Variants in AHI1 observed in about 807,000 individuals in gnomAD.
AHI1 encodes Abelson helper integration site 1.
In AHI1, 123 loss-of-function variants were observed where a neutral mutation model predicts 149.3. The observed-to-expected ratio is 0.82, with a 90% CI of 0.71 to 0.96. The LOEUF (loss-of-function observed/expected upper bound fraction) is 0.96. Among genes scored for constraint, AHI1 ranks in the 40% least tolerant of loss-of-function variants. AHI1 has a pLI of 0.00. For synonymous variants in AHI1, 475 were observed against 459.8 expected, an observed-to-expected ratio of 1.03 and a Z score of -0.42; for missense variants, 1,439 against 1,422.7, an observed-to-expected ratio of 1.01 and a Z score of -0.18.
Position 135,442,640 on chromosome 6 carries a change from G to A in AHI1, c.1854C>T (p.Ser618=), listed in dbSNP as rs1301980408. The A allele has an allele frequency of 6.2e-7, 1 of 1,610,116 alleles. No individual in the cohort carries two copies. Among genetic ancestry groups the A allele is most frequent in the Non-Finnish European group, 8.5e-7 (1 of 1,178,006 alleles). Residue 618 remains serine (S), a synonymous_variant, in exon 14 of 29, where the codon TCC becomes TCT. Coordinates refer to ENST00000265602, the MANE Select transcript of AHI1 (RefSeq NM_001134831.2). The stretch of plus-strand genomic sequence containing the variant: ...CTGCTGCTAATATTCTTCCATTGTG[G>A]GAGAAATCAAGACAAAAACATCCTC... ...GERGCFCLDF[S]HNGRILAAAC...
intron 14 of AHI1, among the ~76,000 whole-genome samples, chr6:135,441,243 T>C (rs898234885): frequency 2.0e-5 from 3 of 151,742 alleles, no homozygotes; most frequent in Non-Finnish European, 4.4e-5. Flanking sequence ...CTGAAAGAAT[T>C]ACTAAATTTG....
At chr6:135,450,226 G>A (rs1787888576) in intron 11 of AHI1, among the ~76,000 whole-genome samples, 1 of 152,152 alleles carries the variant, frequency 6.6e-6, no homozygotes, top group Admixed American at 6.5e-5. Flanking sequence ...AGGTAACAGA[G>A]TTTCAAGAGT....
At chr6:135,411,225 A>G (rs1208949856) in intron 21 of AHI1, 123 bp downstream of exon 21, 6 of 923,710 alleles carry the variant, frequency 6.5e-6, no homozygotes, top group African/African-American at 5.0e-5. Context: ...AGGAACCATA[A>G]AAGTATAGGA....
At chr6:135,433,323 A>G in intron 15 of AHI1, 67 bp from the exon 16 acceptor site, 16 of 1,179,998 alleles carry the variant, frequency 1.4e-5, no homozygotes, top group Non-Finnish European at 1.8e-5. Context: ...AGTTTTTCTA[A>G]GAACCAACAC....
chr6:135,491,195 T>C (rs1795202321), intron 4 of AHI1, among the ~76,000 whole-genome samples: 1 of 152,224 alleles, frequency 6.6e-6, no homozygotes, highest in Non-Finnish European at 1.5e-5. Flanking sequence ...AGGTTTTTCC[T>C]TTAAAACATG....
At chr6:135,406,738 G>C (rs941361363) in intron 21 of AHI1, among the ~76,000 whole-genome samples, 2 of 152,102 alleles carry the variant, frequency 1.3e-5, no homozygotes, top group African/African-American at 4.8e-5. Context: ...GTGATCATTA[G>C]CCTGGGCTTC....
chr6:135,434,009 A>C (rs1398985197), intron 15 of AHI1, among the ~76,000 whole-genome samples: 2 of 152,050 alleles, frequency 1.3e-5, no homozygotes, highest in Non-Finnish European at 2.9e-5. Flanking sequence ...ACAATGTATA[A>C]AACTAGGTGA....
At chr6:135,490,815 A>G (rs1394386661) in intron 4 of AHI1, 68 bp from the exon 5 acceptor site, 12 of 1,522,788 alleles carry the variant, frequency 7.9e-6, no homozygotes, top group Non-Finnish European at 9.7e-6. Flanking sequence ...CACTACTAGG[A>G]TGTTAAGAAA....
intron 8 of AHI1, among the ~76,000 whole-genome samples, chr6:135,462,070 T>C (rs999019991): frequency 1.3e-5 from 2 of 152,010 alleles, no homozygotes; most frequent in African/African-American, 4.8e-5. Flanking sequence ...TTTATATATA[T>C]AGAAACACAT....
At chr6:135,465,316 A>G (rs950635387) in intron 7 of AHI1, among the ~76,000 whole-genome samples, 14 of 152,242 alleles carry the variant, frequency 9.2e-5, no homozygotes, top group Admixed American at 7.9e-4. Context: ...ATATATAAGC[A>G]TCATATAGAG....
Position 135,284,110 on chromosome 6 carries a change from C to T in AHI1, c.*1535G>A, listed in dbSNP as rs1369356799. 6.6e-6 allele frequency: 1 copy of T among 152,204 alleles called. No individual in the cohort carries two copies. Among genetic ancestry groups the T allele is most frequent in the Non-Finnish European group, 1.5e-5 (1 of 68,042 alleles). The allele number at this position is 152,204 out of a possible 1,614,324, so 9.4% of individuals were successfully genotyped here. A position where few individuals can be genotyped will look rare whatever the true frequency, so the allele number is the denominator to read the frequency against. ...GCTGTACCTGACACACAGACTTATACATCCAGAACAATGAAAACTCAGTGC... is the reference window on the plus strand; with the variant it reads ...GCTGTACCTGACACACAGACTTATATATCCAGAACAATGAAAACTCAGTGC... On this transcript the variant is annotated 3_prime_UTR_variant, in exon 29 of 29. Coordinates refer to ENST00000265602, the MANE Select transcript of AHI1 (RefSeq NM_001134831.2).
intron 15 of AHI1, among the ~76,000 whole-genome samples, chr6:135,435,642 G>A (rs1785285140): frequency 6.6e-6 from 1 of 152,106 alleles, no homozygotes; most frequent in Admixed American, 6.6e-5. Context: ...CTAAGGAACT[G>A]GAAAATTTTT....
intron 5 of AHI1, among the ~76,000 whole-genome samples, chr6:135,481,268 C>T (rs1189207440): frequency 6.6e-6 from 1 of 152,178 alleles, no homozygotes; most frequent in Non-Finnish European, 1.5e-5. Flanking sequence ...AATTACGTTT[C>T]TGGTATTCTG....
At chr6:135,402,917 T>C (rs898425783) in intron 22 of AHI1, among the ~76,000 whole-genome samples, 5 of 152,308 alleles carry the variant, frequency 3.3e-5, no homozygotes, top group Non-Finnish European at 5.9e-5. Flanking sequence ...TCAAAAGTTA[T>C]ACATTAATTT....
chr6:135,461,237 T>C (rs1056994643), intron 8 of AHI1, among the ~76,000 whole-genome samples: 1 of 152,068 alleles, frequency 6.6e-6, no homozygotes, highest in Non-Finnish European at 1.5e-5. Context: ...AAGACAATTC[T>C]GTGTTTTAAA....
rs867528280 is a variant in AHI1, at chr6:135,361,664, C to T, written c.3110-3477G>A. ...ATGGTTTCACACACACACACACACA[C>T]ACACACACACACACACACACACACA... On this transcript the variant is annotated intron_variant, in intron 23 of 28. Transcript: ENST00000265602. Among the ~76,000 whole-genome samples the T allele has an allele frequency of 4.2e-3, 627 of 150,544 alleles. 4 individuals are homozygous for T. Among genetic ancestry groups the T allele is most frequent in the African/African-American group, 0.014 (581 of 40,896 alleles).
At chr6:135,290,612 C>A in intron 27 of AHI1, 87 bp from the exon 28 acceptor site, 1 of 1,343,878 alleles carries the variant, frequency 7.4e-7, no homozygotes, top group Admixed American at 1.8e-5. Flanking sequence ...AGGGCCGTGG[C>A]AGTGGAAACA....
At chr6:135,405,804 GA>G (rs1428845078) in intron 21 of AHI1, among the ~76,000 whole-genome samples, 20 of 146,244 alleles carry the variant, frequency 1.4e-4, no homozygotes, top group African/African-American at 4.8e-4. Context: ...AGGTTGTAGT[GA>G]GCCAAGATTG....
chr6:135,357,367 G>A (rs1398688428), intron 24 of AHI1, among the ~76,000 whole-genome samples: 1 of 152,144 alleles, frequency 6.6e-6, no homozygotes, highest in Non-Finnish European at 1.5e-5. Context: ...GGGACATTTT[G>A]GATTTCTAAT....
Sources: gnomAD v4.1 joint callset for allele counts (sites outside exome capture counted in the v4.1 genomes callset) on GRCh38, gnomAD v4.1.1 for gene constraint, MANE v1.5 for transcripts, NCBI Gene and HGNC (gene_info 2026-07-23, HGNC 2026-07-21) for gene names.